MKLN1: variants seen among roughly 807,000 people sequenced by gnomAD.
MKLN1 encodes muskelin 1.
Under a neutral mutation model 99.0 loss-of-function variants are expected in MKLN1, and 18 were observed. That is an observed-to-expected ratio of 0.18 (90% confidence interval 0.13 to 0.27). The LOEUF (loss-of-function observed/expected upper bound fraction) is 0.27. Among genes scored for constraint, MKLN1 ranks in the 10% least tolerant of loss-of-function variants. The pLI is 1.00. For missense variants in MKLN1, 621 were observed against 875.9 expected, an observed-to-expected ratio of 0.71 and a Z score of 3.67; for synonymous variants, 288 against 293.2, an observed-to-expected ratio of 0.98 and a Z score of 0.18.
At chr7:131,312,721 A>G (rs1479250706) in intron 3 of MKLN1, among the ~76,000 whole-genome samples, 1 of 152,200 alleles carries the variant, frequency 6.6e-6, no homozygotes. Flanking sequence ...TATGCTCTCT[A>G]TGTAAATTTC....
At chr7:131,479,258 G>C (rs977770811) in intron 17 of MKLN1, among the ~76,000 whole-genome samples, 1 of 152,062 alleles carries the variant, frequency 6.6e-6, no homozygotes, top group African/African-American at 2.4e-5. Flanking sequence ...ACTGTAGGCC[G>C]GGCACAGTGG....
chr7:131,128,896 AT>A (rs59954758), intron 1 of MKLN1, among the ~76,000 whole-genome samples: 204 of 120,190 alleles, frequency 1.7e-3, no homozygotes, highest in African/African-American at 5.2e-3. Flanking sequence ...CACCTCACCT[AT>A]TTTTTTTTTT....
At chr7:131,311,997 G>A (rs184656660) in intron 3 of MKLN1, among the ~76,000 whole-genome samples, 1 of 150,670 alleles carries the variant, frequency 6.6e-6, no homozygotes, top group African/African-American at 2.4e-5. Context: ...TCTCAGGCAG[G>A]TATTTTTTTT....
chr7:131,487,682 G>A lies in MKLN1; in HGVS notation c.2162G>A (p.Ser721Asn). The change falls in exon 18 of 18, where the codon AGC becomes AAC. Residue 721 changes from serine to asparagine, a missense_variant. By Grantham distance (46) the Ser-to-Asn change is conservative (BLOSUM62 1). This residue lies in a region of MKLN1 where 126 missense variants were observed against 157.4 expected (regional missense o/e 0.80). Transcript: ENST00000352689. This position sits in a 1 kb window ranked among gnomAD's most constrained non-coding sequence, Gnocchi z 4.7. ...FDTLVNFFPD[S>N]MTPPKGNLVD... Reference sequence around the variant, plus strand: ...ACCTTAGTAAATTTCTTTCCTGACAGCATGACTCCTCCTAAAGGCAACCTG... The same window carrying A: ...ACCTTAGTAAATTTCTTTCCTGACAACATGACTCCTCCTAAAGGCAACCTG... 6.2e-7 allele frequency: 1 copy of A among 1,613,038 alleles called. No homozygotes were observed. The highest frequency in any genetic ancestry group is 8.5e-7 in the Non-Finnish European group (1 of 1,179,334).
chr7:131,440,287 G>A (rs1377645919), intron 10 of MKLN1, among the ~76,000 whole-genome samples: 2 of 152,196 alleles, frequency 1.3e-5, no homozygotes, highest in African/African-American at 4.8e-5. Context: ...CTCAAAGCTT[G>A]AGATCAGCCC....
At chr7:131,292,960 G>A (rs999182407) in intron 3 of MKLN1, among the ~76,000 whole-genome samples, 3 of 152,266 alleles carry the variant, frequency 2.0e-5, no homozygotes, top group African/African-American at 4.8e-5. Context: ...ATATGATGCA[G>A]TAAGAGGTAC....
chr7:131,149,732 CT>C (rs1055604295), intron 2 of MKLN1, among the ~76,000 whole-genome samples: 5 of 152,116 alleles, frequency 3.3e-5, no homozygotes, highest in African/African-American at 1.2e-4. Context: ...GTAATTAGAA[CT>C]CTCAGTTTTT....
chr7:131,180,499 G>C (rs1382495825), intron 2 of MKLN1, among the ~76,000 whole-genome samples: 1 of 152,160 alleles, frequency 6.6e-6, no homozygotes, highest in African/African-American at 2.4e-5. Context: ...AGGAGTTCGA[G>C]ACCAGCATGG....
At chr7:131,394,194 A>G (rs2116207603) in intron 4 of MKLN1, among the ~76,000 whole-genome samples, 1 of 152,214 alleles carries the variant, frequency 6.6e-6, no homozygotes, top group Non-Finnish European at 1.5e-5. Flanking sequence ...ACATACATAA[A>G]CAGAAAGGCA....
At chr7:131,284,359 G>A (rs905095823) in intron 3 of MKLN1, among the ~76,000 whole-genome samples, 1 of 152,214 alleles carries the variant, frequency 6.6e-6, no homozygotes, top group Non-Finnish European at 1.5e-5. Flanking sequence ...TCACTCTGGA[G>A]TGTGGTTTGA....
chr7:131,216,979 C>T (rs1227030505), intron 3 of MKLN1, among the ~76,000 whole-genome samples: 1 of 152,052 alleles, frequency 6.6e-6, no homozygotes, highest in Admixed American at 6.6e-5. Context: ...CTATGCAGTA[C>T]CATGGCTTGA....
At chr7:131,265,529 C>T (rs1430293989) in intron 3 of MKLN1, among the ~76,000 whole-genome samples, 1 of 152,122 alleles carries the variant, frequency 6.6e-6, no homozygotes, top group African/African-American at 2.4e-5. Flanking sequence ...TGCTATGTTC[C>T]AGAAAAATTC....
chr7:131,467,609 A>G (rs937845357), intron 15 of MKLN1, among the ~76,000 whole-genome samples: 4 of 152,122 alleles, frequency 2.6e-5, no homozygotes, highest in Non-Finnish European at 4.4e-5. Flanking sequence ...TGAGAAGTGA[A>G]TTGAGAAGAA....
intron 1 of MKLN1, among the ~76,000 whole-genome samples, chr7:131,112,015 T>C (rs1795210389): frequency 6.6e-6 from 1 of 152,216 alleles, no homozygotes; most frequent in Non-Finnish European, 1.5e-5. Flanking sequence ...GACAACCTTG[T>C]TTTGTTTTGT....
chr7:131,230,843 G>A (rs1436054159), intron 3 of MKLN1, among the ~76,000 whole-genome samples: 4 of 151,962 alleles, frequency 2.6e-5, no homozygotes, highest in African/African-American at 4.8e-5. Flanking sequence ...TCTTTTGGCC[G>A]GGCACAGTGG....
At chr7:131,460,614 A>C (rs945200558) in intron 12 of MKLN1, among the ~76,000 whole-genome samples, 1 of 152,134 alleles carries the variant, frequency 6.6e-6, no homozygotes, top group Non-Finnish European at 1.5e-5. Flanking sequence ...CTCACAATCT[A>C]CTTCTTCTCT....
intron 12 of MKLN1, among the ~76,000 whole-genome samples, chr7:131,447,218 A>G (rs1403177558): frequency 1.3e-5 from 2 of 152,226 alleles, no homozygotes; most frequent in Admixed American, 1.3e-4. Flanking sequence ...ATTAGTAGGT[A>G]ATGTCTAAAA....
At chr7:131,167,140 C>T (rs1796138430) in intron 2 of MKLN1, among the ~76,000 whole-genome samples, 1 of 151,890 alleles carries the variant, frequency 6.6e-6, no homozygotes, top group Non-Finnish European at 1.5e-5. Flanking sequence ...TATATCACAA[C>T]CTGGAAACTG....
intron 3 of MKLN1, among the ~76,000 whole-genome samples, chr7:131,262,725 AT>A (rs1431431228): frequency 2.6e-5 from 4 of 151,454 alleles, no homozygotes; most frequent in African/African-American, 9.7e-5. Context: ...TAATTTTTGT[AT>A]TTTTAGTAGA....
Sources: gnomAD v4.1 joint callset for allele counts (sites outside exome capture counted in the v4.1 genomes callset) on GRCh38, gnomAD v4.1.1 for gene constraint, gnomAD v4.1.1 regional missense constraint, Gnocchi (gnomAD v3.1) non-coding constraint, MANE v1.5 for transcripts, NCBI Gene and HGNC (gene_info 2026-07-23, HGNC 2026-07-21) for gene names.